FBXL2: variants seen among roughly 807,000 people sequenced by gnomAD.
FBXL2 encodes the protein F-box/LRR-repeat protein 2.
Under a neutral mutation model 69.2 loss-of-function variants are expected in FBXL2, and 38 were observed. The observed-to-expected ratio is 0.55, with a 90% CI of 0.42 to 0.72. The LOEUF is 0.72. Ranked by LOEUF, FBXL2 falls within the 30% of genes least tolerant of loss-of-function variation. The pLI is 0.00. For synonymous variants in FBXL2, 192 were observed against 201.3 expected, an observed-to-expected ratio of 0.95 and a Z score of 0.39; for missense variants, 354 against 520.3, an observed-to-expected ratio of 0.68 and a Z score of 3.11.
intron 2 of FBXL2, among the ~76,000 whole-genome samples, chr3:33,332,971 T>C (rs2039286321): frequency 2.0e-5 from 3 of 152,200 alleles, no homozygotes; most frequent in Non-Finnish European, 2.9e-5. Context: ...AAAAACATTA[T>C]ATGAAGAAAT....
downstream of FBXL2, chr3:33,392,338 C>A: frequency 2.2e-6 from 1 of 453,780 alleles, no homozygotes; most frequent in Non-Finnish European, 3.8e-6. Flanking sequence ...AAGACGTTGG[C>A]TGAATGAATT....
Position 33,358,092 on chromosome 3 carries a change from C to T in FBXL2, c.66-875C>T, listed in dbSNP as rs1438406828. On this transcript the variant is annotated intron_variant, in intron 2 of 14. Transcript: ENST00000484457. ...TTGAGGAACATTATAGGTGGCTGTT[C>T]GCCATCTTAACCACTCTCCCCCTTC... 2.6e-5 allele frequency among the ~76,000 whole-genome samples: 4 copies of T among 152,256 alleles called. No homozygotes were observed. The East Asian group carries it at 5.8e-4, about 22-fold the overall frequency.
chr3:33,377,307 G>C lies in FBXL2; in HGVS notation c.823G>C (p.Asp275His), dbSNP rs1472140884. 1 of 1,614,144 alleles carries C rather than the reference G, an allele frequency of 6.2e-7. No individual in the cohort carries two copies. The highest frequency in any genetic ancestry group is 8.5e-7 in the Non-Finnish European group (1 of 1,180,026). ...GGCTGCCCGATGCTCCCATTTGACT[G>C]ACGCAGGTTTTACACTTTTAGCTCG... ...LEAARCSHLT[D>H]AGFTLLARNC... Residue 275 changes from aspartate (D) to histidine (H), a missense_variant, in exon 11 of 15, where the codon GAC (aspartate) becomes CAC (histidine). Transcript: ENST00000484457.
intron 4 of FBXL2, among the ~76,000 whole-genome samples, chr3:33,360,314 A>G (rs2041519991): frequency 6.6e-6 from 1 of 152,176 alleles, no homozygotes; most frequent in South Asian, 2.1e-4. Flanking sequence ...CTTGACCTAG[A>G]CAAACTAATG....
chr3:33,325,749 T>G (rs2038638744), intron 2 of FBXL2, among the ~76,000 whole-genome samples: 1 of 152,196 alleles, frequency 6.6e-6, no homozygotes, highest in South Asian at 2.1e-4. Flanking sequence ...TAATCAGAAG[T>G]TAATTTGATT....
At chr3:33,402,833 G>T (rs1169287764) in intron 12 of FBXL2, 3 of 1,605,938 alleles carry the variant, frequency 1.9e-6, no homozygotes, top group Non-Finnish European at 2.5e-6. Flanking sequence ...TCTGCTGTGG[G>T]GAGGTGAAAG....
the FBXL2 span, chr3:33,409,203 T>C: frequency 6.2e-7 from 1 of 1,603,584 alleles, no homozygotes; most frequent in Non-Finnish European, 8.5e-7. Context: ...AACCTTTGCT[T>C]CTCTTCCAAA....
At chr3:33,367,139 AG>A (rs1452853539) in intron 5 of FBXL2, among the ~76,000 whole-genome samples, 1 of 151,614 alleles carries the variant, frequency 6.6e-6, no homozygotes, top group East Asian at 1.9e-4. Context: ...CTTGTTGCCC[AG>A]GCTGGAGTGC....
chr3:33,422,504 C>T, the FBXL2 span, among the ~76,000 whole-genome samples: 1 of 152,054 alleles, frequency 6.6e-6, no homozygotes, highest in Non-Finnish European at 1.5e-5. Context: ...ATCGTTTGAG[C>T]CCAGGAGTCG....
At chr3:33,277,320 C>T (rs927389579), upstream of FBXL2, 24 of 431,694 alleles carry the variant, frequency 5.6e-5, no homozygotes, top group African/African-American at 4.1e-4. Flanking sequence ...AGGCCCAGTT[C>T]CAGGGCCGGG....
intron 10 of FBXL2, among the ~76,000 whole-genome samples, chr3:33,376,080 C>T (rs142639685): frequency 0.014 from 2,116 of 151,742 alleles, 22 homozygotes; most frequent in South Asian, 0.026. Flanking sequence ...TGCTTGAACC[C>T]GCGAGGCGGA....
At chr3:33,309,697 G>A (rs951079552) in intron 2 of FBXL2, among the ~76,000 whole-genome samples, 13 of 151,906 alleles carry the variant, frequency 8.6e-5, no homozygotes, top group Admixed American at 2.0e-4. Flanking sequence ...TCTTTTTCAC[G>A]CACTTGATAT....
At chr3:33,359,451 A>G in intron 4 of FBXL2, 94 bp downstream of exon 4, 1 of 767,710 alleles carries the variant, frequency 1.3e-6, no homozygotes, top group Non-Finnish European at 2.1e-6. Flanking sequence ...TTTAGATCTA[A>G]TATTAAAGTG....
intron 1 of FBXL2, chr3:33,278,359 T>TG (rs145288729): frequency 0.03 from 4,621 of 152,296 alleles, 96 homozygotes; most frequent in Admixed American, 0.062. Flanking sequence ...ACTCCTTGCT[T>TG]GGGGACACAC....
At chr3:33,317,238 G>A (rs1478365493) in intron 2 of FBXL2, among the ~76,000 whole-genome samples, 1 of 151,962 alleles carries the variant, frequency 6.6e-6, no homozygotes, top group Non-Finnish European at 1.5e-5. Context: ...GTTCCCCAGT[G>A]CCCCTGTGTA....
Position 33,277,469 on chromosome 3 carries a change from G to T in FBXL2, c.-44G>T, listed in dbSNP as rs13076964. 6 of 1,272,970 alleles carry T rather than the reference G, an allele frequency of 4.7e-6. No individual in the cohort carries two copies. Among genetic ancestry groups the T allele is most frequent in the African/African-American group, 3.1e-5 (2 of 64,822 alleles). 78.9% of individuals were successfully genotyped at this position (1,272,970 alleles called of 1,614,324 possible). On this transcript the variant is annotated 5_prime_UTR_variant, in exon 1 of 15. Transcript: ENST00000484457. ...CACCAGGACAACGGGCGTCGCCGGC[G>T]CCGTGTGACTTCGGGCTGTGGGCTC...
chr3:33,350,726 G>A (rs945168456), intron 2 of FBXL2, among the ~76,000 whole-genome samples: 3 of 151,850 alleles, frequency 2.0e-5, no homozygotes, highest in Admixed American at 6.6e-5. Flanking sequence ...GTGAGCCACC[G>A]TGCCTAGCCA....
chr3:33,391,852 G>GC (rs1297901142), downstream of FBXL2: 1 of 152,326 alleles, frequency 6.6e-6, no homozygotes, highest in Non-Finnish European at 1.5e-5. Flanking sequence ...ACAACCCAAT[G>GC]CATTTCAAGT....
intron 2 of FBXL2, among the ~76,000 whole-genome samples, chr3:33,306,427 A>C (rs934681582): frequency 1.3e-5 from 2 of 152,236 alleles, no homozygotes; most frequent in South Asian, 2.1e-4. Flanking sequence ...AGGAACCACT[A>C]TCTTGACTTA....
Sources: allele counts gnomAD v4.1 joint callset (sites outside exome capture counted in the v4.1 genomes callset), GRCh38; gene constraint gnomAD v4.1.1; transcripts MANE v1.5; gene names NCBI Gene and HGNC (gene_info 2026-07-23, HGNC 2026-07-21).